Variants in SLC35D4 observed in about 807,000 individuals in gnomAD.
SLC35D4 encodes solute carrier family 35 member D4, also known as UDP-N-acetylglucosamine transporter SLC35D4.
chr18:23,383,457 C>T, the SLC35D4 span, among the ~76,000 whole-genome samples: 1 of 151,908 alleles, frequency 6.6e-6, no homozygotes, highest in African/African-American at 2.4e-5. Flanking sequence ...GAAACAGACA[C>T]GATGAGTCGC....
the SLC35D4 span, among the ~76,000 whole-genome samples, chr18:23,432,797 A>G: frequency 6.6e-6 from 1 of 151,890 alleles, no homozygotes; most frequent in African/African-American, 2.4e-5. Context: ...CCTGGGCGAC[A>G]TGGTGAGACC....
the SLC35D4 span, among the ~76,000 whole-genome samples, chr18:23,292,909 G>T: frequency 6.6e-6 from 1 of 152,088 alleles, no homozygotes; most frequent in African/African-American, 2.4e-5. Context: ...CCCTTCTTTT[G>T]CCACTTCCCT....
chr18:23,293,712 A>G, the SLC35D4 span, among the ~76,000 whole-genome samples: 1 of 152,258 alleles, frequency 6.6e-6, no homozygotes, highest in South Asian at 2.1e-4. Flanking sequence ...GTTAACACCA[A>G]TATTTTCTGT....
chr18:23,300,887 T>C, the SLC35D4 span, among the ~76,000 whole-genome samples: 579 of 152,374 alleles, frequency 3.8e-3, 6 homozygotes, highest in African/African-American at 0.013. Context: ...CTTTCTCCTA[T>C]GAGGGACCGA....
the SLC35D4 span, among the ~76,000 whole-genome samples, chr18:23,426,810 A>C: frequency 1 from 152,004 of 152,238 alleles, 75,886 homozygotes; most frequent in Middle Eastern, 1. Flanking sequence ...GTACTTGTAC[A>C]AAAACAGATA....
the SLC35D4 span, among the ~76,000 whole-genome samples, chr18:23,249,397 A>G: frequency 6.6e-6 from 1 of 152,166 alleles, no homozygotes; most frequent in Non-Finnish European, 1.5e-5. Flanking sequence ...TGGCCAAACC[A>G]GGAGTGGGCA....
chr18:23,261,802 A>C, the SLC35D4 span, among the ~76,000 whole-genome samples: 1 of 152,254 alleles, frequency 6.6e-6, no homozygotes, highest in Non-Finnish European at 1.5e-5. Context: ...ATCATACAGC[A>C]CATGGCTAGC....
the SLC35D4 span, among the ~76,000 whole-genome samples, chr18:23,427,393 A>G: frequency 6.6e-6 from 1 of 152,356 alleles, no homozygotes; most frequent in Non-Finnish European, 1.5e-5. Flanking sequence ...GAAGACATTT[A>G]TGCAGCCAAC....
chr18:23,267,530 C>T, the SLC35D4 span, among the ~76,000 whole-genome samples: 1 of 152,244 alleles, frequency 6.6e-6, no homozygotes, highest in African/African-American at 2.4e-5. Flanking sequence ...GGACACTCCT[C>T]TAGCTCTTGT....
At chr18:23,283,518 A>T in the SLC35D4 span, among the ~76,000 whole-genome samples, 29 of 151,642 alleles carry the variant, frequency 1.9e-4, no homozygotes, top group African/African-American at 7.0e-4. Flanking sequence ...AAAAGAAAGA[A>T]AAGAAAGTAG....
the SLC35D4 span, among the ~76,000 whole-genome samples, chr18:23,386,056 C>T: frequency 6.7e-6 from 1 of 149,704 alleles, no homozygotes; most frequent in Non-Finnish European, 1.5e-5. Flanking sequence ...TGGCATGAAC[C>T]CAGGAGGCAG....
At chr18:23,287,196 T>G in the SLC35D4 span, among the ~76,000 whole-genome samples, 2 of 152,190 alleles carry the variant, frequency 1.3e-5, no homozygotes, top group East Asian at 3.8e-4. Flanking sequence ...GATCTATGAC[T>G]TATCAACCAA....
chr18:23,394,452 G>A, the SLC35D4 span, among the ~76,000 whole-genome samples: 1 of 152,108 alleles, frequency 6.6e-6, no homozygotes, highest in Admixed American at 6.6e-5. Flanking sequence ...TAGCCTATAA[G>A]TGAATCCCGC....
chr18:23,250,463 A>G, the SLC35D4 span, among the ~76,000 whole-genome samples: 6 of 152,182 alleles, frequency 3.9e-5, no homozygotes, highest in South Asian at 2.1e-4. Context: ...TCTACTGCCT[A>G]TTTCCAAAAT....
chr18:23,409,277 A>G, the SLC35D4 span, among the ~76,000 whole-genome samples: 1 of 152,198 alleles, frequency 6.6e-6, no homozygotes, highest in East Asian at 1.9e-4. Context: ...TCTCCTTCCA[A>G]TCATTGTCTA....
the SLC35D4 span, among the ~76,000 whole-genome samples, chr18:23,400,295 C>A: frequency 6.6e-6 from 1 of 152,168 alleles, no homozygotes; most frequent in Non-Finnish European, 1.5e-5. Context: ...GTGCATATCA[C>A]TGAGGTTGCA....
chr18:23,246,454 A>G, the SLC35D4 span, among the ~76,000 whole-genome samples: 2 of 151,806 alleles, frequency 1.3e-5, no homozygotes, highest in East Asian at 1.9e-4. Context: ...TGCAGTGGCA[A>G]GATCTTGGCT....
chr18:23,354,233 G>A, the SLC35D4 span, among the ~76,000 whole-genome samples: 1 of 151,634 alleles, frequency 6.6e-6, no homozygotes, highest in Admixed American at 6.6e-5. Flanking sequence ...CAGGTGCGGT[G>A]GCTCAAGCCT....
At chr18:23,275,594 GT>G in the SLC35D4 span, among the ~76,000 whole-genome samples, 1 of 21,708 alleles carries the variant, frequency 4.6e-5, no homozygotes, top group African/African-American at 2.6e-4. Context: ...GTCAGAAAGA[GT>G]GCTGTGCTGT....
Sources: gnomAD v4.1 joint callset for allele counts (sites outside exome capture counted in the v4.1 genomes callset) on GRCh38, gnomAD v4.1.1 for gene constraint, MANE v1.5 for transcripts, NCBI Gene and HGNC (gene_info 2026-07-23, HGNC 2026-07-21) for gene names.